The following HS2ST1 variants were observed in gnomAD, a reference collection of about 807,000 sequenced individuals.
The protein encoded by HS2ST1 is 2-O-sulfotransferase.
Under a neutral mutation model 42.9 loss-of-function variants are expected in HS2ST1, and 18 were observed. The observed-to-expected ratio is 0.42, with a 90% confidence interval of 0.29 to 0.62. The LOEUF (loss-of-function observed/expected upper bound fraction) is 0.62. Among genes scored for constraint, HS2ST1 ranks in the 20% least tolerant of loss-of-function variants. The probability of loss-of-function intolerance (pLI) is 0.21; values close to 1 mark genes in which losing one functional copy is unlikely to be tolerated. For missense variants in HS2ST1, 334 were observed against 433.8 expected, an observed-to-expected ratio of 0.77 and a Z score of 2.04; for synonymous variants, 146 against 152.9, an observed-to-expected ratio of 0.95 and a Z score of 0.33.
At chr1:87,097,800 A>T in intron 4 of HS2ST1, 38 bp from the exon 5 acceptor site, 1 of 1,612,240 alleles carries the variant, frequency 6.2e-7, no homozygotes, top group Non-Finnish European at 8.5e-7. Context: ...TGAGACTTGG[A>T]TTTATGGCTT....
intron 1 of HS2ST1, among the ~76,000 whole-genome samples, chr1:86,943,030 C>A (rs1009094076): frequency 2.6e-5 from 4 of 152,088 alleles, no homozygotes; most frequent in African/African-American, 9.7e-5. Context: ...TAGTTTCTTT[C>A]AGCTTTAAAA....
intron 1 of HS2ST1, among the ~76,000 whole-genome samples, chr1:86,933,323 A>G (rs1264472316): frequency 1.3e-5 from 2 of 152,274 alleles, no homozygotes; most frequent in Middle Eastern, 3.4e-3. Flanking sequence ...ATTGTCCAAC[A>G]GTTCTTAAAT....
chr1:87,049,071 T>C (rs1650768075), intron 1 of HS2ST1, among the ~76,000 whole-genome samples: 1 of 152,070 alleles, frequency 6.6e-6, no homozygotes, highest in Non-Finnish European at 1.5e-5. Context: ...TTTGTTTTCA[T>C]TTTTTGTGCG....
intron 1 of HS2ST1, among the ~76,000 whole-genome samples, chr1:87,002,903 G>A (rs1649333871): frequency 6.6e-6 from 1 of 152,114 alleles, no homozygotes; most frequent in African/African-American, 2.4e-5. Flanking sequence ...TTTTAGCAGT[G>A]GAACTATTTA....
At chr1:87,020,403 C>T (rs1480762437) in intron 1 of HS2ST1, among the ~76,000 whole-genome samples, 1 of 152,186 alleles carries the variant, frequency 6.6e-6, no homozygotes, top group Admixed American at 6.5e-5. Flanking sequence ...TATTCTAGTA[C>T]ATGCAGTGCT....
intron 1 of HS2ST1, among the ~76,000 whole-genome samples, chr1:86,966,747 A>G (rs1648059586): frequency 6.6e-6 from 1 of 152,096 alleles, no homozygotes; most frequent in South Asian, 2.1e-4. Flanking sequence ...TGCCCAATTT[A>G]TCATCTTTTT....
chr1:87,104,427 C>T (rs749361705), intron 6 of HS2ST1, 43 bp from the exon 7 acceptor site: 1 of 1,290,968 alleles, frequency 7.7e-7, no homozygotes, highest in African/African-American at 1.5e-5. Context: ...GTGTGTTCTC[C>T]AAGAATTATT....
chr1:87,038,887 A>G (rs1650449837), intron 1 of HS2ST1, among the ~76,000 whole-genome samples: 1 of 152,156 alleles, frequency 6.6e-6, no homozygotes, highest in Non-Finnish European at 1.5e-5. Context: ...TTTTAAAAAT[A>G]CCTTTTCACA....
intron 1 of HS2ST1, among the ~76,000 whole-genome samples, chr1:87,057,865 A>G (rs1651016159): frequency 6.6e-6 from 1 of 151,464 alleles, no homozygotes; most frequent in Non-Finnish European, 1.5e-5. Flanking sequence ...AAAGAAAAAG[A>G]GAGAGAAAAA....
chr1:86,915,238 C>T (rs1231379949), intron 1 of HS2ST1, 78 bp downstream of exon 1: 3 of 1,511,916 alleles, frequency 2.0e-6, no homozygotes, highest in South Asian at 2.5e-5. Flanking sequence ...AGTGGGCGTT[C>T]ATCTAACCTG....
intron 2 of HS2ST1, among the ~76,000 whole-genome samples, chr1:87,073,962 G>C (rs1570530640): frequency 6.6e-6 from 1 of 152,322 alleles, no homozygotes; most frequent in African/African-American, 2.4e-5. Flanking sequence ...TGATGGTCCT[G>C]TAGTTACAAT....
intron 1 of HS2ST1, among the ~76,000 whole-genome samples, chr1:86,952,502 T>C (rs1317147599): frequency 2.0e-5 from 3 of 152,236 alleles, no homozygotes; most frequent in African/African-American, 4.8e-5. Flanking sequence ...TCTCCCAAAC[T>C]GCTGGGATAA....
At chr1:86,985,545 C>CAT (rs200263723) in intron 1 of HS2ST1, among the ~76,000 whole-genome samples, 8 of 71,148 alleles carry the variant, frequency 1.1e-4, no homozygotes, top group Non-Finnish European at 2.3e-4. Flanking sequence ...TATATACACA[C>CAT]ATATATATAC....
intron 1 of HS2ST1, among the ~76,000 whole-genome samples, chr1:87,016,734 T>C (rs1343756224): frequency 6.6e-6 from 1 of 152,154 alleles, no homozygotes; most frequent in Non-Finnish European, 1.5e-5. Flanking sequence ...CTGTGTCCCA[T>C]TCACCCGTGC....
intron 1 of HS2ST1, among the ~76,000 whole-genome samples, chr1:87,040,801 G>T (rs141102176): frequency 4.8e-4 from 73 of 152,196 alleles, no homozygotes; most frequent in Non-Finnish European, 9.4e-4. Flanking sequence ...GGGGAAAAAA[G>T]CCAGTAGGCA....
chr1:86,933,265 G>A (rs1013969688), intron 1 of HS2ST1, among the ~76,000 whole-genome samples: 4 of 152,050 alleles, frequency 2.6e-5, no homozygotes, highest in African/African-American at 9.7e-5. Context: ...TATTTCTTCT[G>A]TTTCTTTTCT....
intron 1 of HS2ST1, among the ~76,000 whole-genome samples, chr1:87,002,127 T>C (rs2100570181): frequency 6.6e-6 from 1 of 150,680 alleles, no homozygotes; most frequent in Middle Eastern, 3.5e-3. Flanking sequence ...TTAGCCAGGA[T>C]GGTCTCAATC....
rs569186612 is a variant in HS2ST1, at chr1:86,914,801, T to C, written c.-236T>C. 2.4e-5 allele frequency: 13 copies of C among 536,758 alleles called. No individual in the cohort carries two copies. In the African/African-American group the frequency reaches 2.9e-4, roughly 12 times the overall value. 33.2% of individuals were successfully genotyped at this position (536,758 alleles called of 1,614,324 possible). The stretch of plus-strand genomic sequence containing the variant: ...TCGCGCTGTTTGCTGCGCGGGCTTT[T>C]GGAGGGGGCGGCCGTTTAGTCGGCT... On this transcript the variant is annotated 5_prime_UTR_variant, in exon 1 of 7. Transcript: ENST00000370550.
chr1:86,964,692 A>G (rs1282092589), intron 1 of HS2ST1, among the ~76,000 whole-genome samples: 1 of 152,190 alleles, frequency 6.6e-6, no homozygotes, highest in Non-Finnish European at 1.5e-5. Flanking sequence ...TTAAAGCTAA[A>G]TATCTTTAAG....
Sources: gnomAD v4.1 joint callset for allele counts (sites outside exome capture counted in the v4.1 genomes callset) on GRCh38, gnomAD v4.1.1 for gene constraint, MANE v1.5 for transcripts, NCBI Gene and HGNC (gene_info 2026-07-23, HGNC 2026-07-21) for gene names.